ADGRL2: variants seen among roughly 807,000 people sequenced by gnomAD.
ADGRL2 encodes the protein calcium-independent alpha-latrotoxin receptor 2.
A neutral mutation model predicts 157.4 loss-of-function variants in ADGRL2; 44 were observed. That is an observed-to-expected ratio of 0.28 (90% confidence interval 0.22 to 0.36). ADGRL2 has a LOEUF of 0.36. ADGRL2 is among the 10% of genes least tolerant of loss of function. The pLI, the probability that ADGRL2 is intolerant of heterozygous loss-of-function variation, is 1.00. For synonymous variants in ADGRL2, 585 were observed against 624.7 expected (o/e 0.94, Z 0.95); for missense variants, 1,510 against 1,768.9 (o/e 0.85, Z 2.63).
intron 3 of ADGRL2, among the ~76,000 whole-genome samples, chr1:81,668,342 A>T (rs511568): frequency 0.4 from 60,927 of 151,156 alleles, 13,121 homozygotes; most frequent in African/African-American, 0.56. Context: ...GAAGAATCGC[A>T]TGAACCTGGG....
intron 3 of ADGRL2, among the ~76,000 whole-genome samples, chr1:81,650,515 G>T (rs960301268): frequency 6.6e-6 from 1 of 150,526 alleles, no homozygotes; most frequent in Non-Finnish European, 1.5e-5. Context: ...GGTGGAGGTT[G>T]CAGTGAGCTG....
intron 4 of ADGRL2, among the ~76,000 whole-genome samples, chr1:81,938,215 C>A (rs1311860676): frequency 6.6e-6 from 1 of 151,624 alleles, no homozygotes; most frequent in African/African-American, 2.4e-5. Flanking sequence ...ATTCTTTTGA[C>A]CTAACCAAAA....
At chr1:81,538,858 A>T (rs1201948464) in intron 2 of ADGRL2, among the ~76,000 whole-genome samples, 2 of 152,072 alleles carry the variant, frequency 1.3e-5, no homozygotes, top group Non-Finnish European at 2.9e-5. Context: ...TACAAAAAAA[A>T]TTAGCCAGGC....
intron 2 of ADGRL2, among the ~76,000 whole-genome samples, chr1:81,507,105 C>G (rs755659269): frequency 6.7e-6 from 1 of 150,282 alleles, no homozygotes; most frequent in African/African-American, 2.5e-5. Flanking sequence ...TTTTTAATAG[C>G]AAGGGGGAAA....
chr1:81,450,750 A>G (rs2077687716), intron 2 of ADGRL2, among the ~76,000 whole-genome samples: 1 of 152,098 alleles, frequency 6.6e-6, no homozygotes, highest in Admixed American at 6.6e-5. Flanking sequence ...CAGAAAAATC[A>G]ATGAATATTT....
intron 10 of ADGRL2, among the ~76,000 whole-genome samples, chr1:81,954,575 G>A (rs1246510294): frequency 6.6e-6 from 1 of 152,144 alleles, no homozygotes; most frequent in Non-Finnish European, 1.5e-5. Context: ...ATTTCTTGGT[G>A]ACTAATGAAT....
At chr1:81,845,839 A>G (rs1036937661) in intron 2 of ADGRL2, among the ~76,000 whole-genome samples, 1 of 151,902 alleles carries the variant, frequency 6.6e-6, no homozygotes, top group African/African-American at 2.4e-5. Context: ...CGCAGGTTTA[A>G]CAATTGTCAA....
At chr1:81,906,951 G>T in intron 2 of ADGRL2, 66 bp from the exon 3 acceptor site, 2 of 1,254,200 alleles carry the variant, frequency 1.6e-6, no homozygotes, top group Non-Finnish European at 2.3e-6. Flanking sequence ...ACTTGAAAAT[G>T]CTTTACTAAA....
At chr1:81,512,391 C>T (rs907348509) in intron 2 of ADGRL2, among the ~76,000 whole-genome samples, 1 of 152,096 alleles carries the variant, frequency 6.6e-6, no homozygotes, top group African/African-American at 2.4e-5. Flanking sequence ...GTATGGATTC[C>T]CATATGGGAC....
intron 2 of ADGRL2, among the ~76,000 whole-genome samples, chr1:81,515,444 GAAA>G (rs35373497): frequency 9.0e-6 from 1 of 111,626 alleles, no homozygotes; most frequent in African/African-American, 2.9e-5. Context: ...AGGAACCTCA[GAAA>G]AAAAAAAAAA....
chr1:81,667,896 T>C lies in ADGRL2; in HGVS notation c.-143+86916T>C, dbSNP rs566023143. On this transcript the variant is annotated intron_variant, in intron 3 of 24. Transcript: ENST00000370721. ...GTATTTATAAGATCTATGTGATTTA[T>C]GCACCTCTGTTGTAAGATTTAGGTA... is the stretch of plus-strand genomic sequence containing the variant. 3.9e-5 allele frequency among the ~76,000 whole-genome samples: 6 copies of C among 152,318 alleles called. No homozygotes were observed. The South Asian group carries it at 1.2e-3, about 32-fold the overall frequency.
intron 23 of ADGRL2, chr1:81,988,319 C>T (rs2149517290): frequency 6.6e-6 from 1 of 152,202 alleles, no homozygotes; most frequent in Non-Finnish European, 1.5e-5. Flanking sequence ...ATAGAAAAGA[C>T]CTTTTGGATT....
chr1:81,680,886 A>T (rs939811301), intron 3 of ADGRL2, among the ~76,000 whole-genome samples: 20 of 152,228 alleles, frequency 1.3e-4, no homozygotes, highest in African/African-American at 4.6e-4. Flanking sequence ...ATGAAAAGGA[A>T]TTTTTTTCAA....
At chr1:81,885,523 T>C (rs2094108470) in intron 2 of ADGRL2, among the ~76,000 whole-genome samples, 1 of 152,144 alleles carries the variant, frequency 6.6e-6, no homozygotes, top group Admixed American at 6.5e-5. Context: ...TGCTCACAGA[T>C]AGAAAAGGAA....
chr1:81,731,226 A>G (rs2084712760), intron 1 of ADGRL2, among the ~76,000 whole-genome samples: 1 of 152,176 alleles, frequency 6.6e-6, no homozygotes, highest in Non-Finnish European at 1.5e-5. Flanking sequence ...TTGTGCATAT[A>G]CTATGTTAGG....
intron 1 of ADGRL2, among the ~76,000 whole-genome samples, chr1:81,754,472 C>A (rs2085604427): frequency 7.3e-6 from 1 of 136,128 alleles, no homozygotes; most frequent in South Asian, 2.9e-4. Flanking sequence ...CCCCTTCTCC[C>A]CTCCCCTCCC....
chr1:81,665,185 A>T (rs2082729207), intron 3 of ADGRL2, among the ~76,000 whole-genome samples: 2 of 152,154 alleles, frequency 1.3e-5, no homozygotes, highest in Admixed American at 1.3e-4. Context: ...GATTATTTAG[A>T]ATTAGTAGAG....
chr1:81,415,412 T>C (rs12407333), intron 1 of ADGRL2, among the ~76,000 whole-genome samples: 27,713 of 152,072 alleles, frequency 0.18, 3,152 homozygotes, highest in East Asian at 0.46. Flanking sequence ...ATTAATTTAT[T>C]AAAGAAGTTC....
chr1:81,892,828 G>A (rs1439976550), intron 2 of ADGRL2, among the ~76,000 whole-genome samples: 1 of 152,148 alleles, frequency 6.6e-6, no homozygotes, highest in Non-Finnish European at 1.5e-5. Context: ...ATTAAAAAAT[G>A]TAAATGGACC....
Sources: allele counts gnomAD v4.1 joint callset (sites outside exome capture counted in the v4.1 genomes callset), GRCh38; gene constraint gnomAD v4.1.1; transcripts MANE v1.5; gene names NCBI Gene and HGNC (gene_info 2026-07-23, HGNC 2026-07-21).